HSD17B7: variants seen among roughly 807,000 people sequenced by gnomAD.
HSD17B7 encodes the protein 3-keto-steroid reductase/17-beta-hydroxysteroid dehydrogenase 7.
In HSD17B7, 17 loss-of-function variants were observed where a neutral mutation model predicts 34.1. The observed-to-expected ratio is 0.50, with a 90% CI of 0.34 to 0.75. HSD17B7 has a LOEUF of 0.75. Among genes scored for constraint, HSD17B7 ranks in the 30% least tolerant of loss-of-function variants. The pLI is 0.01. For missense variants in HSD17B7, 296 were observed against 406.6 expected, an observed-to-expected ratio of 0.73 and a Z score of 2.34; for synonymous variants, 122 against 154.6, an observed-to-expected ratio of 0.79 and a Z score of 1.56.
At chr1:162,796,458 A>C (rs925804842) in intron 2 of HSD17B7, 127 bp from the exon 3 acceptor site, 8 of 544,654 alleles carry the variant, frequency 1.5e-5, no homozygotes, top group Admixed American at 9.5e-5. Flanking sequence ...CTAATATATT[A>C]ATTTAAAAAG....
intron 8 of HSD17B7, among the ~76,000 whole-genome samples, chr1:162,807,148 A>G (rs1469904650): frequency 2.0e-5 from 3 of 151,918 alleles, no homozygotes; most frequent in Non-Finnish European, 4.4e-5. Flanking sequence ...AACAGGCCCC[A>G]GTGTGTGAGG....
intron 2 of HSD17B7, among the ~76,000 whole-genome samples, chr1:162,794,351 A>G (rs1168667769): frequency 6.6e-6 from 1 of 152,136 alleles, no homozygotes; most frequent in Admixed American, 6.5e-5. Context: ...CACAAGTTAC[A>G]AAGTGAAAGC....
At chr1:162,793,755 T>C (rs1195811926) in intron 2 of HSD17B7, among the ~76,000 whole-genome samples, 1 of 152,226 alleles carries the variant, frequency 6.6e-6, no homozygotes, top group Non-Finnish European at 1.5e-5. Context: ...ATAAGGCAAG[T>C]AGTGAGTGAC....
At chr1:162,795,910 A>T (rs1474257925) in intron 2 of HSD17B7, among the ~76,000 whole-genome samples, 1 of 152,190 alleles carries the variant, frequency 6.6e-6, no homozygotes, top group African/African-American at 2.4e-5. Context: ...TGCTTTTTCA[A>T]CTCAGCATTT....
chr1:162,796,728 C>T, intron 3 of HSD17B7, 51 bp downstream of exon 3: 2 of 1,148,322 alleles, frequency 1.7e-6, no homozygotes, highest in Non-Finnish European at 1.3e-6. Context: ...GTTCATTTTT[C>T]TGCCTAGTTT....
chr1:162,806,280 T>C lies in HSD17B7; in HGVS notation c.903+788T>C, dbSNP rs184659821. ...TAAGATAAAATGAGATTGAGGTGAC[T>C]GTTATCGCAGGTAAGTCAAGTAACC... On this transcript the variant is annotated intron_variant, in intron 8 of 8. Transcript: ENST00000254521. Among the ~76,000 whole-genome samples the C allele has an allele frequency of 1.5e-3, 221 of 152,330 alleles. 1 individual carries two copies. The highest frequency in any genetic ancestry group is 2.4e-3 in the Non-Finnish European group (164 of 68,022).
intron 8 of HSD17B7, among the ~76,000 whole-genome samples, chr1:162,811,964 T>C (rs1649183870): frequency 6.6e-6 from 1 of 152,222 alleles, no homozygotes; most frequent in Admixed American, 6.5e-5. Context: ...CATTAAAAAC[T>C]CACAAAACTC....
chr1:162,791,117 G>A (rs1197574870), intron 1 of HSD17B7, among the ~76,000 whole-genome samples: 1 of 151,858 alleles, frequency 6.6e-6, no homozygotes. Context: ...TACTCAGGCG[G>A]GCTCCGCCCC....
Position 162,805,312 on chromosome 1 carries a change from TA to T in HSD17B7, c.805-79del, listed in dbSNP as rs997650767. The T allele has an allele frequency of 5.2e-6, 8 of 1,543,512 alleles. No homozygotes were observed. In the Admixed American group the frequency reaches 1.4e-4, roughly 27 times the overall value. ...TTTATAATTTGTCTGGGGAGCTCTATAAAGTGCAGATTGTGAATCTCCACCA... is the reference window on the plus strand; with the variant it reads ...TTTATAATTTGTCTGGGGAGCTCTATAAGTGCAGATTGTGAATCTCCACCA... On this transcript the variant is annotated intron_variant, in intron 7 of 8. Transcript: ENST00000254521.
chr1:162,793,031 CTTTT>C (rs201857530), intron 2 of HSD17B7, 169 bp downstream of exon 2: 18 of 353,084 alleles, frequency 5.1e-5, no homozygotes, highest in Non-Finnish European at 9.2e-5. Context: ...CGTTTTCTTT[CTTTT>C]TTTTTTTTTT....
At position 162,805,468 on chromosome 1, in the gene HSD17B7, A is replaced by G. The variant is rs1648951717; in HGVS notation, c.879A>G (p.Gly293=). Residue 293 remains glycine, a synonymous_variant, in exon 8 of 9, where the codon GGA becomes GGG. Transcript: ENST00000254521. ...ATCTGAGTGCCACCACTGGCTTTGG[A>G]AGAAATTACATTATGACCCAGAAGG... ...IKYLSATTGF[G]RNYIMTQKMD... is the part of the protein sequence containing the mutation. 1 of 1,613,048 alleles carries G rather than the reference A, an allele frequency of 6.2e-7. No homozygotes were observed. Among genetic ancestry groups the G allele is most frequent in the African/African-American group, 1.3e-5 (1 of 74,968 alleles).
At chr1:162,810,707 CCTT>C (rs1649145489) in intron 8 of HSD17B7, among the ~76,000 whole-genome samples, 1 of 152,088 alleles carries the variant, frequency 6.6e-6, no homozygotes, top group Non-Finnish European at 1.5e-5. Context: ...TATGTAATGG[CCTT>C]CTTTGTCTCT....
At chr1:162,801,361 A>G (rs894093578) in intron 5 of HSD17B7, among the ~76,000 whole-genome samples, 1 of 152,136 alleles carries the variant, frequency 6.6e-6, no homozygotes, top group Non-Finnish European at 1.5e-5. Flanking sequence ...ATATTATTTA[A>G]TCTCCCTATG....
chr1:162,794,694 C>A (rs1704750), intron 2 of HSD17B7, among the ~76,000 whole-genome samples: 144,979 of 151,780 alleles, frequency 0.96, 69,595 homozygotes, highest in East Asian at 1. Context: ...TGGCTTCTTA[C>A]CTGCTTTGTT....
At chr1:162,807,562 A>T (rs1221109328) in intron 8 of HSD17B7, among the ~76,000 whole-genome samples, 1 of 152,136 alleles carries the variant, frequency 6.6e-6, no homozygotes, top group Non-Finnish European at 1.5e-5. Context: ...GTCTTCCACA[A>T]TGGTTGAACT....
intron 3 of HSD17B7, chr1:162,797,095 C>T (rs1157437032): frequency 2.3e-5 from 4 of 175,032 alleles, no homozygotes; most frequent in Non-Finnish European, 4.9e-5. Context: ...CTGGGAGATT[C>T]TCGTTACTCA....
chr1:162,803,175 A>G (rs761819687), intron 5 of HSD17B7: 48 of 249,402 alleles, frequency 1.9e-4, no homozygotes, highest in Admixed American at 3.9e-4. Flanking sequence ...GTTATTTTTT[A>G]TACTGCAAGG....
rs143124291 is a variant in HSD17B7, at chr1:162,797,843, C to T, written c.374C>T (p.Thr125Ile). Residue 125 changes from threonine to isoleucine, a missense_variant, in exon 4 of 9, where the codon ACC becomes ATC. Coordinates refer to ENST00000254521, the MANE Select transcript of HSD17B7 (RefSeq NM_016371.4). ...TTCTCCACAGCTGAAGGCCTGCTGACCCAGGGTGATAAGATCACTGCTGAT... is the reference window on the plus strand; with the variant it reads ...TTCTCCACAGCTGAAGGCCTGCTGATCCAGGGTGATAAGATCACTGCTGAT... ...HMFSTAEGLL[T>I]QGDKITADGL... 28 of 1,613,688 alleles carry T rather than the reference C, an allele frequency of 1.7e-5. No homozygotes were observed. Among genetic ancestry groups the T allele is most frequent in the Admixed American group, 1.2e-4 (7 of 59,990 alleles).
chr1:162,805,473 A>G lies in HSD17B7; in HGVS notation c.884A>G (p.Asn295Ser), dbSNP rs751097341. 6.8e-6 allele frequency: 11 copies of G among 1,612,916 alleles called. No individual in the cohort carries two copies. Among genetic ancestry groups the G allele is most frequent in the African/African-American group, 1.3e-5 (1 of 74,816 alleles). Residue 295 changes from asparagine to serine, a missense_variant, in exon 8 of 9, where the codon AAT becomes AGT. Transcript: ENST00000254521. ...YLSATTGFGRNYIMTQKMDLD... is the reference protein window; with the variant it reads ...YLSATTGFGRSYIMTQKMDLD... ...AGTGCCACCACTGGCTTTGGAAGAA[A>G]TTACATTATGACCCAGAAGGTAAAT...
Sources: gnomAD v4.1 joint callset for allele counts (sites outside exome capture counted in the v4.1 genomes callset) on GRCh38, gnomAD v4.1.1 for gene constraint, MANE v1.5 for transcripts, NCBI Gene and HGNC (gene_info 2026-07-23, HGNC 2026-07-21) for gene names.